Variants in COL7A1 observed in about 807,000 individuals in gnomAD.
The protein encoded by COL7A1 is collagen type VII alpha 1 chain.
In COL7A1, 296 loss-of-function variants were observed where a neutral mutation model predicts 456.2. The ratio of observed to expected loss-of-function variants is 0.65; its 90% CI spans 0.59 to 0.71. The LOEUF (loss-of-function observed/expected upper bound fraction) is 0.71. COL7A1 is among the 30% of genes least tolerant of loss of function. COL7A1 has a pLI of 0.00. For missense variants in COL7A1, 3,441 were observed against 4,017.2 expected, an observed-to-expected ratio of 0.86 and a Z score of 3.88; for synonymous variants, 1,464 against 1,525.9, an observed-to-expected ratio of 0.96 and a Z score of 0.95.
In COL7A1 at chr3:48,575,760, C is replaced by T. The variant is rs371555029; in HGVS notation, c.5857-12G>A. The T allele has an allele frequency of 5.0e-6, 8 of 1,613,938 alleles. No individual in the cohort carries two copies. Among genetic ancestry groups the T allele is most frequent in the Non-Finnish European group, 5.9e-6 (7 of 1,180,022 alleles). Reference sequence around the variant, plus strand: ...CGCAGGGCAGATGCCTGAGGGACAGCAAGAGGTCAGAGGAGCGGGGTGCGT... The same window carrying T: ...CGCAGGGCAGATGCCTGAGGGACAGTAAGAGGTCAGAGGAGCGGGGTGCGT... On this transcript the variant is annotated splice_polypyrimidine_tract_variant and intron_variant, in intron 72 of 118. Coordinates refer to ENST00000681320, the MANE Select transcript of COL7A1 (RefSeq NM_000094.4). The surrounding 1 kb of genome is among the most constrained non-coding windows in gnomAD (Gnocchi z 6.3).
In COL7A1 at chr3:48,570,946, A is replaced by T. The variant is rs1313906631; in HGVS notation, c.7187T>A (p.Leu2396Gln). ...GVKGDLGLPG[L>Q]PGAPGVVGFP... Reference sequence around the variant, plus strand: ...CCCAACAACACCAGGAGCACCGGGCAGGCCAGGGAGGCCCAGATCTCCCTG... The same window carrying T: ...CCCAACAACACCAGGAGCACCGGGCTGGCCAGGGAGGCCCAGATCTCCCTG... Residue 2396 changes from leucine (L) to glutamine (Q), a missense_variant, in exon 95 of 119, where the codon CTG becomes CAG. Leu to Gln is a moderately radical substitution (Grantham distance 113). This residue lies in a region of COL7A1 where 2,084 missense variants were observed against 2,501.3 expected (regional missense o/e 0.83). Coordinates refer to ENST00000681320, the MANE Select transcript of COL7A1 (RefSeq NM_000094.4). This position sits in a 1 kb window ranked among gnomAD's most constrained non-coding sequence, Gnocchi z 5.5. 6.2e-7 allele frequency: 1 copy of T among 1,613,540 alleles called. No individual in the cohort carries two copies. The highest frequency in any genetic ancestry group is 1.7e-5 in the Admixed American group (1 of 59,950).
Position 48,568,363 on chromosome 3 carries a change from G to T in COL7A1, c.7794+136C>A. The T allele has an allele frequency of 9.2e-7, 1 of 1,082,060 alleles. No homozygotes were observed. The highest frequency in any genetic ancestry group is 1.4e-6 in the Non-Finnish European group (1 of 725,834). 67.0% of individuals were successfully genotyped at this position (1,082,060 alleles called of 1,614,324 possible). The stretch of plus-strand genomic sequence containing the variant: ...CATAGGCGGCTACTGTGGAGGTGGG[G>T]GACCCTGGGTGACATGAGGACACCA... On this transcript the variant is annotated intron_variant, in intron 105 of 118. Transcript: ENST00000681320. The surrounding 1 kb of genome is among the most constrained non-coding windows in gnomAD (Gnocchi z 5.2).
rs201916625 is a variant in COL7A1, at chr3:48,580,370, A to G, written c.5053-26T>C. The G allele has an allele frequency of 6.2e-7, 1 of 1,605,606 alleles. No individual in the cohort carries two copies. The highest frequency in any genetic ancestry group is 2.2e-5 in the East Asian group (1 of 44,582). On this transcript the variant is annotated intron_variant, in intron 55 of 118. Coordinates refer to ENST00000681320, the MANE Select transcript of COL7A1 (RefSeq NM_000094.4). The surrounding 1 kb of genome is among the most constrained non-coding windows in gnomAD (Gnocchi z 4.5). The stretch of plus-strand genomic sequence containing the variant: ...CTGCAGAAAGGCAGGGGTCAGGGCC[A>G]CTCAAGGTAGGCAGCAGTTTGGGAG...
At chr3:48,589,570 C>A in intron 17 of COL7A1, 29 bp downstream of exon 17, 1 of 1,612,294 alleles carries the variant, frequency 6.2e-7, no homozygotes, top group South Asian at 1.1e-5. Context: ...TCCACCCTGA[C>A]CTGCCCCCTC....
In COL7A1 at chr3:48,592,289, T is replaced by G. The variant is rs1463501554; in HGVS notation, c.1094-41A>C. 6.2e-7 allele frequency: 1 copy of G among 1,613,542 alleles called. No homozygotes were observed. Among genetic ancestry groups the G allele is most frequent in the African/African-American group, 1.3e-5 (1 of 74,868 alleles). ...CAAGGGGCCAGTGGGCCTTGCAGACTCAGGACTCTACAGCCTTGTCTGAGG... is the reference window on the plus strand; with the variant it reads ...CAAGGGGCCAGTGGGCCTTGCAGACGCAGGACTCTACAGCCTTGTCTGAGG... On this transcript the variant is annotated intron_variant, in intron 9 of 118. Transcript: ENST00000681320. This position sits in a 1 kb window ranked among gnomAD's most constrained non-coding sequence, Gnocchi z 7.6.
rs954183894 is a variant in COL7A1, at chr3:48,580,720, A to C, written c.4981-68T>G. The C allele has an allele frequency of 6.3e-6, 10 of 1,584,710 alleles. No homozygotes were observed. The African/African-American group carries it at 1.1e-4, about 17-fold the overall frequency. ...TGCAGGTGCCCCTATGACCCGCTAC[A>C]CTGCCCCAGGTTCCCCATTACTCCA... On this transcript the variant is annotated intron_variant, in intron 54 of 118. Coordinates refer to ENST00000681320, the MANE Select transcript of COL7A1 (RefSeq NM_000094.4). This position sits in a 1 kb window ranked among gnomAD's most constrained non-coding sequence, Gnocchi z 4.5.
chr3:48,574,228 G>A lies in COL7A1; in HGVS notation c.6501+34C>T. The A allele has an allele frequency of 6.2e-7, 1 of 1,613,640 alleles. No homozygotes were observed. Among genetic ancestry groups the A allele is most frequent in the South Asian group, 1.1e-5 (1 of 91,076 alleles). On this transcript the variant is annotated intron_variant, in intron 80 of 118. Transcript: ENST00000681320. The surrounding 1 kb of genome is among the most constrained non-coding windows in gnomAD (Gnocchi z 5.0). ...GCAGCAGCACCTAGCGGAGGGTCCG[G>A]AGCCTGGGGCCAGGTGCTTCAGCCA...
At position 48,564,797 on chromosome 3, in the gene COL7A1, T is replaced by A; in HGVS notation, c.8804A>T (p.Gln2935Leu). The A allele has an allele frequency of 6.2e-7, 1 of 1,613,818 alleles. No individual in the cohort carries two copies. Among genetic ancestry groups the A allele is most frequent in the Non-Finnish European group, 8.5e-7 (1 of 1,179,930 alleles). ...CERRCPPRVVQSQGTGTAQD is the reference protein window; with the variant it reads ...CERRCPPRVVLSQGTGTAQD The stretch of plus-strand genomic sequence containing the variant: ...TCAGCCCATACCTGTCCCCTGGCTC[T>A]GGACCACCCGGGGTGGGCAGCGGCG... The change falls in exon 118 of 119, where the codon CAG becomes CTG. Residue 2935 changes from glutamine to leucine, a missense_variant. By Grantham distance (113) the Gln-to-Leu change is moderately radical. Coordinates refer to ENST00000681320, the MANE Select transcript of COL7A1 (RefSeq NM_000094.4). The surrounding 1 kb of genome is among the most constrained non-coding windows in gnomAD (Gnocchi z 6.0).
chr3:48,595,303 G>A lies in COL7A1; in HGVS notation c.-37C>T. 1.4e-6 allele frequency: 1 copy of A among 711,244 alleles called. No homozygotes were observed. The allele number at this position is 711,244 out of a possible 1,614,324, so 44.1% of individuals were successfully genotyped here. A position where few individuals can be genotyped will look rare whatever the true frequency, so the allele number is the denominator to read the frequency against. On this transcript the variant is annotated 5_prime_UTR_variant, in exon 1 of 119. Coordinates refer to ENST00000681320, the MANE Select transcript of COL7A1 (RefSeq NM_000094.4). ...GCCCGCTCCCGCCGCCGCCGCTGCAGTCTCTCGGGCAGAGCAGAGAAAAGT... is the reference window on the plus strand; with the variant it reads ...GCCCGCTCCCGCCGCCGCCGCTGCAATCTCTCGGGCAGAGCAGAGAAAAGT...
chr3:48,574,317 T>C lies in COL7A1; in HGVS notation c.6457-11A>G, dbSNP rs776269680. 1.9e-6 allele frequency: 3 copies of C among 1,614,118 alleles called. No individual in the cohort carries two copies. The highest frequency in any genetic ancestry group is 1.7e-5 in the Admixed American group (1 of 60,018). ...CTCTCCTGGTAGACCCTGCAGAGAA[T>C]AGGTTTAAGGCCTTAGTTTCCCAGT... On this transcript the variant is annotated splice_polypyrimidine_tract_variant and intron_variant, in intron 79 of 118. Coordinates refer to ENST00000681320, the MANE Select transcript of COL7A1 (RefSeq NM_000094.4). The surrounding 1 kb of genome is among the most constrained non-coding windows in gnomAD (Gnocchi z 5.0).
chr3:48,579,879 A>T lies in COL7A1; in HGVS notation c.5125-65T>A. 6.2e-7 allele frequency: 1 copy of T among 1,612,462 alleles called. No individual in the cohort carries two copies. Among genetic ancestry groups the T allele is most frequent in the South Asian group, 1.1e-5 (1 of 91,030 alleles). Reference sequence around the variant, plus strand: ...GGGGAAGAGGAGTTGGCGAGGGGATACAGGGTCTGTGAGGGGCTCCAGGGA... The same window carrying T: ...GGGGAAGAGGAGTTGGCGAGGGGATTCAGGGTCTGTGAGGGGCTCCAGGGA... On this transcript the variant is annotated intron_variant, in intron 57 of 118. Coordinates refer to ENST00000681320, the MANE Select transcript of COL7A1 (RefSeq NM_000094.4). The surrounding 1 kb of genome is among the most constrained non-coding windows in gnomAD (Gnocchi z 4.4).
chr3:48,588,003 G>C lies in COL7A1; in HGVS notation c.2711-64C>G. 1 of 1,521,424 alleles carries C rather than the reference G, an allele frequency of 6.6e-7. No individual in the cohort carries two copies. Among genetic ancestry groups the C allele is most frequent in the Non-Finnish European group, 8.9e-7 (1 of 1,125,114 alleles). The allele number at this position is 1,521,424 out of a possible 1,614,324, so 94.2% of individuals were successfully genotyped here. A position where few individuals can be genotyped will look rare whatever the true frequency, so the allele number is the denominator to read the frequency against. ...GATAGTGACACCTGGGGGCATTAAAGGGCCTGCCCACTTCACTGGCTCTGT... is the reference window on the plus strand; with the variant it reads ...GATAGTGACACCTGGGGGCATTAAACGGCCTGCCCACTTCACTGGCTCTGT... On this transcript the variant is annotated intron_variant, in intron 21 of 118. Coordinates refer to ENST00000681320, the MANE Select transcript of COL7A1 (RefSeq NM_000094.4). The surrounding 1 kb of genome is among the most constrained non-coding windows in gnomAD (Gnocchi z 4.6).
Position 48,565,299 on chromosome 3 carries a change from TG to T in COL7A1, c.8528-99del. On this transcript the variant is annotated intron_variant, in intron 116 of 118. Transcript: ENST00000681320. This position sits in a 1 kb window ranked among gnomAD's most constrained non-coding sequence, Gnocchi z 4.5. ...ACTGTGTGCACACAGTGCCCATGCG[TG>T]TGCCCTGCATGCAGACCCTACGTGC... The T allele has an allele frequency of 6.7e-7, 1 of 1,492,200 alleles. No homozygotes were observed. The highest frequency in any genetic ancestry group is 9.2e-7 in the Non-Finnish European group (1 of 1,085,968). The allele number at this position is 1,492,200 out of a possible 1,614,324, so 92.4% of individuals were successfully genotyped here.
At position 48,567,035 on chromosome 3, in the gene COL7A1, T is replaced by G; in HGVS notation, c.8110-12A>C. The G allele has an allele frequency of 1.2e-6, 2 of 1,613,506 alleles. No homozygotes were observed. The highest frequency in any genetic ancestry group is 1.7e-6 in the Non-Finnish European group (2 of 1,179,656). On this transcript the variant is annotated splice_polypyrimidine_tract_variant and intron_variant, in intron 110 of 118. Transcript: ENST00000681320. This position sits in a 1 kb window ranked among gnomAD's most constrained non-coding sequence, Gnocchi z 4.3. Reference sequence around the variant, plus strand: ...ATTCCTGGGGTTCCCTGGGGAGATATAGGACAGAGTCAGTAATCAGAGGCC... The same window carrying G: ...ATTCCTGGGGTTCCCTGGGGAGATAGAGGACAGAGTCAGTAATCAGAGGCC...
intron 34 of COL7A1, 53 bp downstream of exon 34, chr3:48,584,857 G>A: frequency 2.1e-5 from 34 of 1,613,918 alleles, no homozygotes; most frequent in Non-Finnish European, 2.5e-5. Context: ...CTCCCACCCT[G>A]TGGAAGAACC....
chr3:48,584,327 G>T lies in COL7A1; in HGVS notation c.4168C>A (p.Pro1390Thr), dbSNP rs760384169. ...ATGGCTGTTCCAGGAAGCCCTGGGG[G>T]GCCACGGGGTCCTGGGTCCCCCAGT... ...GPLGDPGPRGPPGLPGTAMKG... is the reference protein window; with the variant it reads ...GPLGDPGPRGTPGLPGTAMKG... The change falls in exon 37 of 119, where the codon CCC becomes ACC. Residue 1390 changes from proline (P) to threonine (T), a missense_variant. Pro to Thr is a conservative substitution (Grantham distance 38). Transcript: ENST00000681320. 1 of 1,612,796 alleles carries T rather than the reference G, an allele frequency of 6.2e-7. No homozygotes were observed. Among genetic ancestry groups the T allele is most frequent in the Admixed American group, 1.7e-5 (1 of 59,812 alleles).
Position 48,564,215 on chromosome 3 carries a change from C to A in COL7A1, c.*191G>T. ...CACAGTGAGTCATCTGCCAGGGTGGCAGGAGCCACAATGGGGGTTTGTCCA... is the reference window on the plus strand; with the variant it reads ...CACAGTGAGTCATCTGCCAGGGTGGAAGGAGCCACAATGGGGGTTTGTCCA... On this transcript the variant is annotated 3_prime_UTR_variant, in exon 119 of 119. Coordinates refer to ENST00000681320, the MANE Select transcript of COL7A1 (RefSeq NM_000094.4). This position sits in a 1 kb window ranked among gnomAD's most constrained non-coding sequence, Gnocchi z 6.0. 1 of 699,734 alleles carries A rather than the reference C, an allele frequency of 1.4e-6. No homozygotes were observed. The allele number at this position is 699,734 out of a possible 1,614,324, so 43.3% of individuals were successfully genotyped here. A position where few individuals can be genotyped will look rare whatever the true frequency, so the allele number is the denominator to read the frequency against.
rs2107631469 is a variant in COL7A1 at position 48,566,572 on chromosome 3, A to G, written c.8305-9T>C. ...GCAGGCCCTGGCCGCCCCTATGTGC[A>G]ACAGATGGGACCAGGCTGTGACCTC... On this transcript the variant is annotated splice_polypyrimidine_tract_variant and intron_variant, in intron 112 of 118. Transcript: ENST00000681320. The surrounding 1 kb of genome is among the most constrained non-coding windows in gnomAD (Gnocchi z 5.9). 6.2e-7 allele frequency: 1 copy of G among 1,614,036 alleles called. No individual in the cohort carries two copies. The highest frequency in any genetic ancestry group is 2.2e-5 in the East Asian group (1 of 44,870).
Position 48,588,773 on chromosome 3 carries a change from T to C in COL7A1, c.2456A>G (p.His819Arg), listed in dbSNP as rs1244085666. ...GTCTGTGTTTCCTGGGAGTATCTGG[T>C]GCCTCATGGGGCCGCCTGGCCAGGT... The part of the protein sequence containing the change: ...WGRSEGGPMR[H>R]QILPGNTDSA... The change falls in exon 20 of 119, where the codon CAC becomes CGC. Residue 819 changes from histidine (H) to arginine (R), a missense_variant. Physicochemically the swap from His to Arg is conservative, Grantham distance 29. Coordinates refer to ENST00000681320, the MANE Select transcript of COL7A1 (RefSeq NM_000094.4). The surrounding 1 kb of genome is among the most constrained non-coding windows in gnomAD (Gnocchi z 4.6). 1.2e-6 allele frequency: 2 copies of C among 1,613,892 alleles called. No homozygotes were observed. The highest frequency in any genetic ancestry group is 1.7e-6 in the Non-Finnish European group (2 of 1,180,042).
Sources: gnomAD v4.1 joint callset for allele counts on GRCh38, gnomAD v4.1.1 for gene constraint, gnomAD v4.1.1 regional missense constraint, Gnocchi (gnomAD v3.1) non-coding constraint, MANE v1.5 for transcripts, NCBI Gene and HGNC (gene_info 2026-07-23, HGNC 2026-07-21) for gene names.